Variants in CSMD1 observed in about 807,000 individuals in gnomAD.
CSMD1 encodes the protein CUB and Sushi multiple domains 1.
Under a neutral mutation model 417.5 loss-of-function variants are expected in CSMD1, and 213 were observed. The ratio of observed to expected loss-of-function variants is 0.51; its 90% CI spans 0.46 to 0.57. CSMD1 has a LOEUF of 0.57. Ranked by LOEUF, CSMD1 falls within the 20% of genes least tolerant of loss-of-function variation. The probability of loss-of-function intolerance (pLI) is 0.00; values close to 1 mark genes in which losing one functional copy is unlikely to be tolerated. For synonymous variants in CSMD1, 2,862 were observed against 1,736.8 expected (o/e 1.65, Z -16.11); for missense variants, 6,923 against 4,529.7 (o/e 1.53, Z -15.17).
In CSMD1 at chr8:3,964,427, C is replaced by T. The variant is rs181006697; in HGVS notation, c.818+33476G>A. 4.3e-4 allele frequency among the ~76,000 whole-genome samples: 65 copies of T among 152,146 alleles called. No homozygotes were observed. In the East Asian group the frequency reaches 0.012, roughly 27 times the overall value. Reference sequence around the variant, plus strand: ...CATAGCTCCTGTTTTTTGACTGAGGCCTTAATCAGCCAGTGGAAGGAGACA... The same window carrying T: ...CATAGCTCCTGTTTTTTGACTGAGGTCTTAATCAGCCAGTGGAAGGAGACA... On this transcript the variant is annotated intron_variant, in intron 5 of 69. Transcript: ENST00000635120.
chr8:3,750,585 C>A (rs1797288566), intron 6 of CSMD1, among the ~76,000 whole-genome samples: 1 of 151,958 alleles, frequency 6.6e-6, no homozygotes, highest in African/African-American at 2.4e-5. Context: ...ATAAAAGGTA[C>A]AATACAATTT....
At chr8:3,200,741 A>T (rs1563136846) in intron 32 of CSMD1, among the ~76,000 whole-genome samples, 1 of 152,098 alleles carries the variant, frequency 6.6e-6, no homozygotes, top group Admixed American at 6.6e-5. Context: ...GCATTCTTAG[A>T]TACATCATTG....
chr8:4,371,498 T>C (rs1802394697), intron 3 of CSMD1, among the ~76,000 whole-genome samples: 1 of 152,206 alleles, frequency 6.6e-6, no homozygotes, highest in African/African-American at 2.4e-5. Flanking sequence ...GGCTTCAATA[T>C]TAGATATGGG....
At chr8:4,351,830 G>C (rs1030702544) in intron 3 of CSMD1, among the ~76,000 whole-genome samples, 1 of 152,104 alleles carries the variant, frequency 6.6e-6, no homozygotes, top group Non-Finnish European at 1.5e-5. Context: ...CAACACACCA[G>C]GCCAAGGAGA....
intron 3 of CSMD1, among the ~76,000 whole-genome samples, chr8:4,315,365 C>G (rs555242355): frequency 6.6e-6 from 1 of 152,118 alleles, no homozygotes; most frequent in Non-Finnish European, 1.5e-5. Flanking sequence ...GTGGCAGGTA[C>G]CAGCCTGCCT....
intron 5 of CSMD1, among the ~76,000 whole-genome samples, chr8:3,892,018 T>C (rs1397818496): frequency 1.3e-5 from 1 of 79,362 alleles, no homozygotes; most frequent in Admixed American, 1.9e-4. Flanking sequence ...AACATGATAG[T>C]CGCAAACAAA....
chr8:3,447,803 G>A (rs1463423875), intron 12 of CSMD1, among the ~76,000 whole-genome samples: 1 of 152,184 alleles, frequency 6.6e-6, no homozygotes, highest in African/African-American at 2.4e-5. Context: ...GCAGAATTGA[G>A]CAGGACCACT....
intron 21 of CSMD1, among the ~76,000 whole-genome samples, chr8:3,353,349 T>C (rs1449157554): frequency 6.6e-6 from 1 of 152,208 alleles, no homozygotes; most frequent in Non-Finnish European, 1.5e-5. Context: ...GCTTCTTATC[T>C]CCATTCCTAT....
chr8:4,632,652 T>C (rs187596388), intron 2 of CSMD1, among the ~76,000 whole-genome samples: 24 of 152,258 alleles, frequency 1.6e-4, no homozygotes, highest in South Asian at 1.2e-3. Context: ...CCGAGCCCCA[T>C]TGCGAGGTAA....
intron 5 of CSMD1, among the ~76,000 whole-genome samples, chr8:3,797,533 C>T (rs1010416792): frequency 1.3e-5 from 2 of 151,850 alleles, no homozygotes; most frequent in East Asian, 3.9e-4. Flanking sequence ...ATTAGGCAAG[C>T]TCTCTTAAAT....
chr8:2,965,791 G>C lies in CSMD1; in HGVS notation c.9264C>G (p.Ser3088Arg). 1 of 1,606,822 alleles carries C rather than the reference G, an allele frequency of 6.2e-7. No individual in the cohort carries two copies. The highest frequency in any genetic ancestry group is 8.5e-7 in the Non-Finnish European group (1 of 1,176,518). The change falls in exon 59 of 70, where the codon AGC (serine) becomes AGG (arginine). Residue 3088 changes from serine to arginine, a missense_variant. Transcript: ENST00000635120. ...RCTKDGRWNPSKPVCKAVLCP... is the reference protein window; with the variant it reads ...RCTKDGRWNPRKPVCKAVLCP... ...CAAACAAACCTTTGCAGACAGGTTT[G>C]CTCGGATTCCACCTGCCGTCTTTGG...
intron 2 of CSMD1, among the ~76,000 whole-genome samples, chr8:4,505,726 T>C (rs1354883658): frequency 6.6e-6 from 1 of 152,190 alleles, no homozygotes; most frequent in Non-Finnish European, 1.5e-5. Context: ...ATGAAGCCTT[T>C]GGACAGAACC....
chr8:3,868,965 A>G (rs1365870486), intron 5 of CSMD1, among the ~76,000 whole-genome samples: 3 of 152,194 alleles, frequency 2.0e-5, no homozygotes, highest in Non-Finnish European at 2.9e-5. Flanking sequence ...CCTAAGTCAC[A>G]TAACTCTTCT....
Position 3,010,074 on chromosome 8 carries a change from C to T in CSMD1, c.8029+8403G>A, listed in dbSNP as rs375785229. Reference sequence around the variant, plus strand: ...AAGCTTTGTCTGCAGTCTTGCCTGCCGGTGTCACGTCTTTCTGTCCCTCAA... The same window carrying T: ...AAGCTTTGTCTGCAGTCTTGCCTGCTGGTGTCACGTCTTTCTGTCCCTCAA... On this transcript the variant is annotated intron_variant, in intron 52 of 69. Coordinates refer to ENST00000635120, the MANE Select transcript of CSMD1 (RefSeq NM_033225.6). Among the ~76,000 whole-genome samples the T allele has an allele frequency of 7.9e-5, 12 of 152,144 alleles. 1 individual carries two copies. The South Asian group carries it at 1.0e-3, about 13-fold the overall frequency.
chr8:4,391,730 A>G (rs1268846902), intron 3 of CSMD1, among the ~76,000 whole-genome samples: 1 of 152,066 alleles, frequency 6.6e-6, no homozygotes, highest in African/African-American at 2.4e-5. Context: ...TCCAAGTGCA[A>G]TGTGCCTGAA....
intron 1 of CSMD1, among the ~76,000 whole-genome samples, chr8:4,680,354 G>C (rs116289961): frequency 0.012 from 1,808 of 152,144 alleles, 41 homozygotes; most frequent in African/African-American, 0.04. Context: ...ATTCAACCTC[G>C]TATCTTTCCC....
chr8:4,883,225 T>A (rs1020014267), intron 1 of CSMD1, among the ~76,000 whole-genome samples: 3 of 152,072 alleles, frequency 2.0e-5, no homozygotes, highest in Non-Finnish European at 4.4e-5. Context: ...AGCAACATGG[T>A]TGATTTCTAA....
intron 1 of CSMD1, among the ~76,000 whole-genome samples, chr8:4,968,399 TA>T (rs201194356): frequency 6.0e-5 from 9 of 150,772 alleles, no homozygotes; most frequent in Admixed American, 2.7e-4. Flanking sequence ...CTGTAACTGT[TA>T]AAAAAAAATA....
intron 1 of CSMD1, among the ~76,000 whole-genome samples, chr8:4,716,796 T>C (rs890006762): frequency 6.6e-6 from 1 of 152,186 alleles, no homozygotes; most frequent in African/African-American, 2.4e-5. Flanking sequence ...GTGTCTCGCC[T>C]TTTTCCTTGC....
Sources: allele counts gnomAD v4.1 joint callset (sites outside exome capture counted in the v4.1 genomes callset), GRCh38; gene constraint gnomAD v4.1.1; transcripts MANE v1.5; gene names NCBI Gene and HGNC (gene_info 2026-07-23, HGNC 2026-07-21).